Variants in LYPLAL1 observed in about 807,000 individuals in gnomAD.
LYPLAL1 encodes lysophospholipase-like protein 1.
In LYPLAL1, 23 loss-of-function variants were observed where a neutral mutation model predicts 19.7. That is an observed-to-expected ratio of 1.17 (90% CI 0.84 to 1.65). The LOEUF is 1.65. Among genes scored for constraint, LYPLAL1 ranks in the 40% most tolerant of loss-of-function variants. The pLI is 0.00. For missense variants in LYPLAL1, 355 were observed against 279.4 expected (o/e 1.27, Z -1.93); for synonymous variants, 119 against 96.3 (o/e 1.24, Z -1.38).
chr1:219,406,644 GTGTT>G, the LYPLAL1 span, among the ~76,000 whole-genome samples: 4 of 152,130 alleles, frequency 2.6e-5, no homozygotes, highest in Non-Finnish European at 5.9e-5. Context: ...AAAACAATTT[GTGTT>G]TGTTTGTTTA....
the LYPLAL1 span, among the ~76,000 whole-genome samples, chr1:219,356,616 A>G: frequency 6.6e-6 from 1 of 152,218 alleles, no homozygotes; most frequent in Non-Finnish European, 1.5e-5. Flanking sequence ...CTGTTGCTCT[A>G]CATTGCTTTG....
the LYPLAL1 span, among the ~76,000 whole-genome samples, chr1:219,274,676 C>T: frequency 6.6e-6 from 1 of 152,080 alleles, no homozygotes; most frequent in East Asian, 1.9e-4. Flanking sequence ...GAGCCACCGC[C>T]CCCGGCCAGT....
the LYPLAL1 span, among the ~76,000 whole-genome samples, chr1:219,227,792 A>G: frequency 2.4e-3 from 366 of 152,366 alleles, 2 homozygotes; most frequent in South Asian, 0.023. Context: ...TGTTTAAATA[A>G]TAACTTATTC....
chr1:219,419,357 C>T, the LYPLAL1 span, among the ~76,000 whole-genome samples: 1 of 152,120 alleles, frequency 6.6e-6, no homozygotes, highest in African/African-American at 2.4e-5. Flanking sequence ...GGAGAGAGTT[C>T]TCAGGACTAT....
chr1:219,278,984 C>A, the LYPLAL1 span, among the ~76,000 whole-genome samples: 4 of 152,072 alleles, frequency 2.6e-5, no homozygotes, highest in Non-Finnish European at 5.9e-5. Context: ...GGAAAATCAC[C>A]TCAAGGTTGA....
At chr1:219,186,933 A>G (rs1303444929) in intron 2 of LYPLAL1, among the ~76,000 whole-genome samples, 2 of 151,418 alleles carry the variant, frequency 1.3e-5, no homozygotes, top group African/African-American at 4.8e-5. Flanking sequence ...CTATTGAATT[A>G]TTCGTTTTTT....
At chr1:219,174,117 G>T in intron 1 of LYPLAL1, 136 bp downstream of exon 1, 1 of 1,472,576 alleles carries the variant, frequency 6.8e-7, no homozygotes, top group South Asian at 1.3e-5. Context: ...CGCCAGCCCC[G>T]GCTGTAGATG....
chr1:219,387,733 G>A, the LYPLAL1 span, among the ~76,000 whole-genome samples: 1 of 152,122 alleles, frequency 6.6e-6, no homozygotes, highest in Non-Finnish European at 1.5e-5. Flanking sequence ...GTGATGGTGG[G>A]GAATATGTCT....
the LYPLAL1 span, among the ~76,000 whole-genome samples, chr1:219,254,729 G>A: frequency 6.6e-6 from 1 of 151,902 alleles, no homozygotes; most frequent in African/African-American, 2.4e-5. Context: ...TTTCAACCTT[G>A]GAGAAAGCTC....
chr1:219,413,487 T>A, the LYPLAL1 span, among the ~76,000 whole-genome samples: 3 of 152,170 alleles, frequency 2.0e-5, no homozygotes, highest in African/African-American at 4.8e-5. Flanking sequence ...ACTCCTAATA[T>A]CTTTTGGTAG....
At chr1:219,350,264 C>T in the LYPLAL1 span, among the ~76,000 whole-genome samples, 1 of 152,066 alleles carries the variant, frequency 6.6e-6, no homozygotes, top group Non-Finnish European at 1.5e-5. Context: ...TATATGTTTT[C>T]AATCAGTTCT....
the LYPLAL1 span, among the ~76,000 whole-genome samples, chr1:219,236,912 C>A: frequency 6.6e-6 from 1 of 152,158 alleles, no homozygotes; most frequent in Non-Finnish European, 1.5e-5. Context: ...CCCTCCCCCA[C>A]ACCCCTTGAC....
chr1:219,283,553 C>A, the LYPLAL1 span, among the ~76,000 whole-genome samples: 192 of 152,174 alleles, frequency 1.3e-3, 1 homozygote, highest in African/African-American at 4.4e-3. Context: ...TTAAATTCTA[C>A]CCTCATCACT....
the LYPLAL1 span, among the ~76,000 whole-genome samples, chr1:219,248,496 T>A: frequency 6.6e-6 from 1 of 152,146 alleles, no homozygotes; most frequent in African/African-American, 2.4e-5. Flanking sequence ...ATTTTTGATT[T>A]CTCCTTTATT....
At chr1:219,316,948 GA>G in the LYPLAL1 span, among the ~76,000 whole-genome samples, 1 of 152,142 alleles carries the variant, frequency 6.6e-6, no homozygotes, top group Non-Finnish European at 1.5e-5. Flanking sequence ...TTTAAAAGGT[GA>G]AAAGTATTAC....
At chr1:219,399,745 G>C in the LYPLAL1 span, among the ~76,000 whole-genome samples, 1 of 152,140 alleles carries the variant, frequency 6.6e-6, no homozygotes, top group Non-Finnish European at 1.5e-5. Context: ...GAGAGGCCAG[G>C]ACTAAGGGGT....
chr1:219,369,269 TA>T, the LYPLAL1 span, among the ~76,000 whole-genome samples: 1 of 152,288 alleles, frequency 6.6e-6, no homozygotes, highest in African/African-American at 2.4e-5. Context: ...TTGTGTAAAA[TA>T]TTTTTTGTTT....
the LYPLAL1 span, among the ~76,000 whole-genome samples, chr1:219,408,754 A>G: frequency 3.3e-5 from 5 of 152,254 alleles, no homozygotes; most frequent in African/African-American, 1.2e-4. Flanking sequence ...ATAATATTCT[A>G]GCTGGAAGAA....
At chr1:219,383,107 G>C in the LYPLAL1 span, among the ~76,000 whole-genome samples, 1 of 152,128 alleles carries the variant, frequency 6.6e-6, no homozygotes, top group African/African-American at 2.4e-5. Context: ...CTCACTACGT[G>C]GTTCCATGTA....
Sources: allele counts gnomAD v4.1 joint callset (sites outside exome capture counted in the v4.1 genomes callset), GRCh38; gene constraint gnomAD v4.1.1; transcripts MANE v1.5; gene names NCBI Gene and HGNC (gene_info 2026-07-23, HGNC 2026-07-21).